Variants in SLMAP observed in about 807,000 individuals in gnomAD.
SLMAP encodes the protein sarcolemma associated protein.
A neutral mutation model predicts 128.8 loss-of-function variants in SLMAP; 44 were observed. The ratio of observed to expected loss-of-function variants is 0.34; its 90% CI spans 0.27 to 0.44. SLMAP has a LOEUF of 0.44. Among genes scored for constraint, SLMAP ranks in the 20% least tolerant of loss-of-function variants. SLMAP has a pLI of 1.00. For synonymous variants in SLMAP, 327 were observed against 348.8 expected (o/e 0.94, Z 0.70); for missense variants, 787 against 985.3 (o/e 0.80, Z 2.69).
In SLMAP at chr3:57,868,883, A is replaced by G. The variant is rs12496056; in HGVS notation, c.1238-2753A>G. Among the ~76,000 whole-genome samples the G allele has an allele frequency of 1.7e-4, 24 of 137,470 alleles. No individual in the cohort carries two copies. In the South Asian group the frequency reaches 5.3e-3, roughly 30 times the overall value. 90.2% of individuals were successfully genotyped at this position (137,470 alleles called of 152,430 possible). A position where few individuals can be genotyped will look rare whatever the true frequency, so the allele number is the denominator to read the frequency against. ...ATTATATATGTGTGTATTATATATA[A>G]TATATATTATATATATTATATATGT... On this transcript the variant is annotated intron_variant, in intron 13 of 24. Transcript: ENST00000671191.
intron 4 of SLMAP, among the ~76,000 whole-genome samples, chr3:57,845,592 A>G (rs2094201127): frequency 6.6e-6 from 1 of 152,082 alleles, no homozygotes; most frequent in African/African-American, 2.4e-5. Context: ...TAGGATGTGG[A>G]GTGATTAGCA....
At chr3:57,886,777 C>T (rs1350695028) in intron 14 of SLMAP, among the ~76,000 whole-genome samples, 2 of 151,198 alleles carry the variant, frequency 1.3e-5, no homozygotes, top group Admixed American at 6.6e-5. Context: ...AAAAATGCAC[C>T]GAGTACTTAG....
At chr3:57,796,721 A>T (rs888840472) in intron 2 of SLMAP, among the ~76,000 whole-genome samples, 3 of 152,256 alleles carry the variant, frequency 2.0e-5, no homozygotes, top group Non-Finnish European at 2.9e-5. Flanking sequence ...ACTGATTATA[A>T]AATTAACCAC....
intron 14 of SLMAP, among the ~76,000 whole-genome samples, chr3:57,881,179 G>A (rs200078553): frequency 6.6e-6 from 1 of 151,934 alleles, no homozygotes; most frequent in Non-Finnish European, 1.5e-5. Flanking sequence ...GGATGACAGA[G>A]CGAGACTCCA....
At chr3:57,784,983 G>C (rs574941807) in intron 2 of SLMAP, among the ~76,000 whole-genome samples, 2 of 152,056 alleles carry the variant, frequency 1.3e-5, no homozygotes, top group Admixed American at 1.3e-4. Flanking sequence ...CTGGCAACTT[G>C]ATGTTGAACT....
chr3:57,890,255 T>C, intron 15 of SLMAP, 155 bp downstream of exon 15: 1 of 579,488 alleles, frequency 1.7e-6, no homozygotes, highest in Non-Finnish European at 3.0e-6. Context: ...TATAAAATAA[T>C]CAGACTTCTG....
intron 2 of SLMAP, among the ~76,000 whole-genome samples, chr3:57,775,283 C>T (rs928329931): frequency 7.2e-5 from 11 of 151,852 alleles, no homozygotes; most frequent in East Asian, 5.8e-4. Context: ...ACCTTGTGAT[C>T]CGCCCACCCC....
intron 17 of SLMAP, among the ~76,000 whole-genome samples, chr3:57,903,258 C>T (rs2096440855): frequency 6.6e-6 from 1 of 152,188 alleles, no homozygotes; most frequent in Non-Finnish European, 1.5e-5. Flanking sequence ...CATGGCCACA[C>T]GTACCCACAA....
intron 3 of SLMAP, among the ~76,000 whole-genome samples, chr3:57,839,078 T>C (rs1263285835): frequency 6.6e-6 from 1 of 151,778 alleles, no homozygotes; most frequent in African/African-American, 2.4e-5. Context: ...CTTAGCCTCC[T>C]GAGTAGCTGG....
At chr3:57,865,073 C>T (rs1335355674) in intron 12 of SLMAP, among the ~76,000 whole-genome samples, 169 bp from the exon 13 acceptor site, 2 of 152,124 alleles carry the variant, frequency 1.3e-5, no homozygotes, top group Non-Finnish European at 2.9e-5. Context: ...GCTCTGAGAT[C>T]TTCTACCTCG....
intron 14 of SLMAP, among the ~76,000 whole-genome samples, chr3:57,878,294 A>G (rs2095651343): frequency 6.6e-6 from 1 of 152,224 alleles, no homozygotes; most frequent in African/African-American, 2.4e-5. Context: ...TGGGAACCTC[A>G]CAGAGCCTCT....
chr3:57,825,803 A>G (rs764519586), intron 2 of SLMAP, among the ~76,000 whole-genome samples: 1 of 152,132 alleles, frequency 6.6e-6, no homozygotes, highest in African/African-American at 2.4e-5. Flanking sequence ...TGATGTCTCC[A>G]AGACTTATTT....
rs544999195 is a variant in SLMAP, at chr3:57,843,356, G to A, written c.419+1985G>A. Among the ~76,000 whole-genome samples, 6 of 118,678 alleles carry A rather than the reference G, an allele frequency of 5.1e-5. 1 individual carries two copies. In the South Asian group the frequency reaches 1.8e-3, roughly 35 times the overall value. The allele number at this position is 118,678 out of a possible 152,430, so 77.9% of individuals were successfully genotyped here. A position where few individuals can be genotyped will look rare whatever the true frequency, so the allele number is the denominator to read the frequency against. On this transcript the variant is annotated intron_variant, in intron 4 of 24. Transcript: ENST00000671191. ...TTTGACAGCCTGGTTCTGTTGCCTA[G>A]GCTGGAGTGTAGTAATCTCGGCTTG...
At chr3:57,827,606 A>G (rs1223613773) in intron 2 of SLMAP, among the ~76,000 whole-genome samples, 2 of 152,236 alleles carry the variant, frequency 1.3e-5, no homozygotes, top group Admixed American at 1.3e-4. Context: ...TTTCACCTTA[A>G]GCCACACAGG....
rs367603835 is a variant in SLMAP, at chr3:57,783,132, G to A, written c.198+25283G>A. ...AAGCAGCTTTGGAACTGGGTAATGG[G>A]TAGAGAAGAATTTGGAGGAGCAGGC... On this transcript the variant is annotated intron_variant, in intron 2 of 24. Transcript: ENST00000671191. 3.0e-4 allele frequency among the ~76,000 whole-genome samples: 46 copies of A among 152,338 alleles called. 2 individuals carry two copies. The South Asian group carries it at 9.1e-3, about 30-fold the overall frequency.
chr3:57,837,431 C>T (rs573288192), intron 3 of SLMAP, among the ~76,000 whole-genome samples: 24 of 152,218 alleles, frequency 1.6e-4, no homozygotes, highest in Admixed American at 1.3e-3. Context: ...TGCAGTGGCA[C>T]GATTTCGGTT....
intron 2 of SLMAP, among the ~76,000 whole-genome samples, chr3:57,766,165 A>ATTTTTTTTTTTTTTTTTTT (rs869169620): frequency 1.6e-4 from 14 of 85,692 alleles, no homozygotes; most frequent in African/African-American, 2.1e-4. Flanking sequence ...CACCCGGCTA[A>ATTTTTTTTTTTTTTTTTTT]TTTTTTTTTT....
In SLMAP at chr3:57,788,059, T is replaced by C. The variant is rs1273311953; in HGVS notation, c.198+30210T>C. Among the ~76,000 whole-genome samples the C allele has an allele frequency of 2.0e-5, 3 of 152,220 alleles. No homozygotes were observed. The East Asian group carries it at 5.8e-4, about 29-fold the overall frequency. On this transcript the variant is annotated intron_variant, in intron 2 of 24. Coordinates refer to ENST00000671191, the MANE Select transcript of SLMAP (RefSeq NM_001377540.1). Reference sequence around the variant, plus strand: ...ACAAGTCTTGAAAGAAGAGCAAGACTTTGTCATGCAAATGAGGGGAAGTAC... The same window carrying C: ...ACAAGTCTTGAAAGAAGAGCAAGACCTTGTCATGCAAATGAGGGGAAGTAC...
intron 2 of SLMAP, among the ~76,000 whole-genome samples, chr3:57,825,925 G>GTT (rs2153538054): frequency 6.6e-6 from 1 of 152,146 alleles, no homozygotes; most frequent in South Asian, 2.1e-4. Flanking sequence ...ACCTTTGACT[G>GTT]TTTTCGAGAC....
Sources: allele counts gnomAD v4.1 joint callset (sites outside exome capture counted in the v4.1 genomes callset), GRCh38; gene constraint gnomAD v4.1.1; transcripts MANE v1.5; gene names NCBI Gene and HGNC (gene_info 2026-07-23, HGNC 2026-07-21).